The following KLF12 variants were observed in gnomAD, a reference collection of about 807,000 sequenced individuals.
The protein encoded by KLF12 is KLF transcription factor 12, also known as Krueppel-like factor 12.
KLF12 carries 9 observed loss-of-function variants against 37.8 expected under a neutral mutation model. That is an observed-to-expected ratio of 0.24 (90% confidence interval 0.14 to 0.42). The LOEUF (loss-of-function observed/expected upper bound fraction) is 0.42. Among genes scored for constraint, KLF12 ranks in the 10% least tolerant of loss-of-function variants. The pLI is 1.00. For missense variants in KLF12, 411 were observed against 516.0 expected, an observed-to-expected ratio of 0.80 and a Z score of 1.97; for synonymous variants, 208 against 202.1, an observed-to-expected ratio of 1.03 and a Z score of -0.25.
intron 2 of KLF12, among the ~76,000 whole-genome samples, chr13:73,973,991 G>A (rs1400681157): frequency 1.3e-5 from 2 of 151,962 alleles, no homozygotes; most frequent in Non-Finnish European, 2.9e-5. Context: ...GAAAGGAAGA[G>A]ACATGACTAA....
intron 3 of KLF12, among the ~76,000 whole-genome samples, chr13:73,862,619 AAG>A (rs1491076925): frequency 6.6e-6 from 1 of 152,110 alleles, no homozygotes; most frequent in Non-Finnish European, 1.5e-5. Context: ...GTGAAGAAAA[AAG>A]AGTCAAAAGG....
intron 1 of KLF12, among the ~76,000 whole-genome samples, chr13:74,087,637 T>C (rs1012997392): frequency 1.4e-4 from 21 of 152,210 alleles, no homozygotes; most frequent in African/African-American, 4.6e-4. Flanking sequence ...ATCAGGTTTC[T>C]AGCCCCAGCT....
At chr13:74,028,208 A>G (rs991219471) in intron 1 of KLF12, among the ~76,000 whole-genome samples, 10 of 152,192 alleles carry the variant, frequency 6.6e-5, no homozygotes, top group Non-Finnish European at 1.5e-5. Context: ...CAACAAAAAA[A>G]GGAAAAACTG....
At chr13:73,750,533 A>T (rs1878670357) in intron 6 of KLF12, among the ~76,000 whole-genome samples, 1 of 152,186 alleles carries the variant, frequency 6.6e-6, no homozygotes, top group Non-Finnish European at 1.5e-5. Context: ...AAATCATGAT[A>T]AAAGTGATGC....
At chr13:74,000,158 AC>A (rs1352195490) in intron 1 of KLF12, among the ~76,000 whole-genome samples, 1 of 152,062 alleles carries the variant, frequency 6.6e-6, no homozygotes, top group Admixed American at 6.5e-5. Context: ...TCCTATTTCT[AC>A]CCCCCTACAT....
chr13:74,216,883 G>A, the KLF12 span, among the ~76,000 whole-genome samples: 2 of 152,190 alleles, frequency 1.3e-5, no homozygotes, highest in African/African-American at 4.8e-5. Context: ...TACCTCTGAA[G>A]TAGTTTTCTA....
At chr13:73,796,337 A>G (rs1881960608) in intron 5 of KLF12, among the ~76,000 whole-genome samples, 1 of 151,534 alleles carries the variant, frequency 6.6e-6, no homozygotes, top group Non-Finnish European at 1.5e-5. Flanking sequence ...CCTTTTCATA[A>G]CTAAACTAGA....
At chr13:73,798,194 T>C (rs61330984) in intron 5 of KLF12, among the ~76,000 whole-genome samples, 30,091 of 152,086 alleles carry the variant, frequency 0.2, 3,609 homozygotes, top group East Asian at 0.47. Flanking sequence ...CAATGAATGG[T>C]GCTGGGAAAA....
chr13:73,778,194 G>C (rs1213786435), intron 5 of KLF12, among the ~76,000 whole-genome samples: 1 of 151,972 alleles, frequency 6.6e-6, no homozygotes, highest in African/African-American at 2.4e-5. Flanking sequence ...TAAGTCAAAG[G>C]AGCCAATGGA....
intron 1 of KLF12, among the ~76,000 whole-genome samples, chr13:74,115,298 T>C (rs561976347): frequency 6.6e-6 from 1 of 152,346 alleles, no homozygotes; most frequent in South Asian, 2.1e-4. Context: ...ATTAATTTCC[T>C]GTGGCTGCCC....
intron 1 of KLF12, among the ~76,000 whole-genome samples, chr13:74,074,159 A>T (rs779541704): frequency 1.1e-4 from 16 of 151,586 alleles, no homozygotes; most frequent in Non-Finnish European, 1.8e-4. Context: ...AGAGAGAGAG[A>T]GTGTGTGTGT....
At chr13:73,734,126 C>T (rs1877268305) in intron 6 of KLF12, among the ~76,000 whole-genome samples, 1 of 152,124 alleles carries the variant, frequency 6.6e-6, no homozygotes, top group South Asian at 2.1e-4. Context: ...TCACCATTAT[C>T]ACATGGCTTT....
chr13:74,280,852 G>A, the KLF12 span, among the ~76,000 whole-genome samples: 1 of 87,938 alleles, frequency 1.1e-5, no homozygotes. Context: ...GCCAAGGACT[G>A]TGCCATAAAA....
At chr13:74,022,564 T>A (rs1892868007) in intron 1 of KLF12, among the ~76,000 whole-genome samples, 1 of 152,156 alleles carries the variant, frequency 6.6e-6, no homozygotes, top group Non-Finnish European at 1.5e-5. Context: ...ATCTATACTT[T>A]TGCAACCTTA....
At chr13:73,989,792 G>A (rs866684337) in intron 2 of KLF12, among the ~76,000 whole-genome samples, 1 of 152,156 alleles carries the variant, frequency 6.6e-6, no homozygotes, top group South Asian at 2.1e-4. Context: ...AAAAGCCAGA[G>A]AGAAATGTAA....
intron 1 of KLF12, among the ~76,000 whole-genome samples, chr13:74,032,512 A>C (rs1893139863): frequency 6.6e-6 from 1 of 152,180 alleles, no homozygotes; most frequent in South Asian, 2.1e-4. Context: ...TTTTGCCTAC[A>C]GAACGTGTTC....
chr13:74,278,229 A>G, the KLF12 span, among the ~76,000 whole-genome samples: 1 of 152,162 alleles, frequency 6.6e-6, no homozygotes, highest in African/African-American at 2.4e-5. Flanking sequence ...CTGCTACCTC[A>G]GCCCTAGGAA....
At chr13:74,088,155 G>A (rs1384426107) in intron 1 of KLF12, among the ~76,000 whole-genome samples, 1 of 152,058 alleles carries the variant, frequency 6.6e-6, no homozygotes, top group Non-Finnish European at 1.5e-5. Flanking sequence ...CAAAGACAAA[G>A]CAATTCTTAC....
intron 3 of KLF12, among the ~76,000 whole-genome samples, chr13:73,878,619 T>C (rs1886828466): frequency 6.6e-6 from 1 of 152,118 alleles, no homozygotes; most frequent in South Asian, 2.1e-4. Context: ...TGACATAAGA[T>C]ATAATTTCCT....
Sources: gnomAD v4.1 joint callset for allele counts (sites outside exome capture counted in the v4.1 genomes callset) on GRCh38, gnomAD v4.1.1 for gene constraint, MANE v1.5 for transcripts, NCBI Gene and HGNC (gene_info 2026-07-23, HGNC 2026-07-21) for gene names.